Variants in GDI2 observed in about 807,000 individuals in gnomAD.
GDI2 encodes GDP dissociation inhibitor 2.
Under a neutral mutation model 54.2 loss-of-function variants are expected in GDI2, and 22 were observed. The ratio of observed to expected loss-of-function variants is 0.41; its 90% CI spans 0.29 to 0.58. The LOEUF (loss-of-function observed/expected upper bound fraction) is 0.58, where lower values mean the gene tolerates loss of function less well. Ranked by LOEUF, GDI2 falls within the 20% of genes least tolerant of loss-of-function variation. The pLI, the probability that GDI2 is intolerant of heterozygous loss-of-function variation, is 0.35. For missense variants in GDI2, 422 were observed against 546.0 expected, an observed-to-expected ratio of 0.77 and a Z score of 2.26; for synonymous variants, 177 against 182.1, an observed-to-expected ratio of 0.97 and a Z score of 0.23.
chr10:5,794,936 C>G lies in GDI2; in HGVS notation c.337G>C (p.Gly113Arg), dbSNP rs1045254840. Residue 113 changes from glycine to arginine, a missense_variant, in exon 4 of 11, where the codon GGT becomes CGT. Transcript: ENST00000380191. ...GAAGGAACCTTGTAGATTTTTCCAC[C>G]CTTATAGACAAAGCTCCCTTCAGTC... Reference protein sequence around the residue: ...KVTEGSFVYKGGKIYKVPSTE... With the variant: ...KVTEGSFVYKRGKIYKVPSTE... 1.9e-6 allele frequency: 3 copies of G among 1,603,316 alleles called. No homozygotes were observed. The highest frequency in any genetic ancestry group is 1.7e-6 in the Non-Finnish European group (2 of 1,170,334).
In GDI2 at chr10:5,783,226, T is replaced by A. The variant is rs12220252; in HGVS notation, c.719+1916A>T. 1.3e-3 allele frequency among the ~76,000 whole-genome samples: 195 copies of A among 152,210 alleles called. 2 individuals carry two copies. Among genetic ancestry groups the A allele is most frequent in the South Asian group, 8.9e-3 (43 of 4,820 alleles). On this transcript the variant is annotated intron_variant, in intron 6 of 10. Coordinates refer to ENST00000380191, the MANE Select transcript of GDI2 (RefSeq NM_001494.4). ...ATAAATTTATCAAACTGATTTTTTTTAAAATATATATAGTTATAAAATAAA... is the reference window on the plus strand; with the variant it reads ...ATAAATTTATCAAACTGATTTTTTTAAAAATATATATAGTTATAAAATAAA...
chr10:5,772,971 T>C (rs1840529116), intron 7 of GDI2, among the ~76,000 whole-genome samples: 1 of 152,096 alleles, frequency 6.6e-6, no homozygotes. Flanking sequence ...CTGGACATAA[T>C]ACCCGCCTCT....
chr10:5,766,863 G>A lies in GDI2; in HGVS notation c.992-225C>T, dbSNP rs1158479249. Among the ~76,000 whole-genome samples, 1 of 152,208 alleles carries A rather than the reference G, an allele frequency of 6.6e-6. No individual in the cohort carries two copies. The highest frequency in any genetic ancestry group is 2.4e-5 in the African/African-American group (1 of 41,464). Reference sequence around the variant, plus strand: ...CTAGAGATTAAGAATTGAAGTGGTAGCGAACTGCTGAAGTTTGGAATGAGA... The same window carrying A: ...CTAGAGATTAAGAATTGAAGTGGTAACGAACTGCTGAAGTTTGGAATGAGA... On this transcript the variant is annotated intron_variant, in intron 8 of 10. Coordinates refer to ENST00000380191, the MANE Select transcript of GDI2 (RefSeq NM_001494.4). The surrounding 1 kb of genome is among the most constrained non-coding windows in gnomAD (Gnocchi z 5.8).
intron 2 of GDI2, among the ~76,000 whole-genome samples, chr10:5,799,000 A>G (rs34108008): frequency 3.8e-4 from 57 of 151,692 alleles, no homozygotes; most frequent in African/African-American, 1.3e-3. Context: ...ATAAAATAAA[A>G]CAAAATTAAG....
chr10:5,772,641 C>T (rs910300278), intron 7 of GDI2, among the ~76,000 whole-genome samples: 30 of 152,098 alleles, frequency 2.0e-4, no homozygotes, highest in Non-Finnish European at 4.4e-4. Flanking sequence ...TCTGTAATTC[C>T]AGCTACTCGG....
At chr10:5,782,713 C>A (rs1322622536) in intron 6 of GDI2, among the ~76,000 whole-genome samples, 5 of 152,200 alleles carry the variant, frequency 3.3e-5, no homozygotes, top group African/African-American at 1.2e-4. Flanking sequence ...GTGGGTGGAT[C>A]ACTTGAGGTC....
intron 4 of GDI2, among the ~76,000 whole-genome samples, chr10:5,789,491 A>G (rs1840960975): frequency 6.6e-6 from 1 of 152,040 alleles, no homozygotes; most frequent in Non-Finnish European, 1.5e-5. Flanking sequence ...GTGTGAACAT[A>G]GCACAGTACA....
rs760383437 is a variant in GDI2 at position 5,768,436 on chromosome 10, C to T, written c.820-52G>A. ...TGAAGCGGACAAGGATATAGGGAAA[C>T]ACATCCCATGTTCATAGTTTGGAAG... On this transcript the variant is annotated intron_variant, in intron 7 of 10. Coordinates refer to ENST00000380191, the MANE Select transcript of GDI2 (RefSeq NM_001494.4). This position sits in a 1 kb window ranked among gnomAD's most constrained non-coding sequence, Gnocchi z 4.4. 1.7e-6 allele frequency: 2 copies of T among 1,145,442 alleles called. No individual in the cohort carries two copies. Among genetic ancestry groups the T allele is most frequent in the East Asian group, 2.4e-5 (1 of 41,914 alleles). The allele number at this position is 1,145,442 out of a possible 1,614,324, so 71.0% of individuals were successfully genotyped here.
intron 4 of GDI2, among the ~76,000 whole-genome samples, chr10:5,794,032 T>A (rs1841075898): frequency 6.6e-6 from 1 of 151,012 alleles, no homozygotes; most frequent in Admixed American, 6.6e-5. Flanking sequence ...GGCGTGTTGG[T>A]ACATGCCTAT....
intron 6 of GDI2, among the ~76,000 whole-genome samples, chr10:5,783,345 G>A (rs1840803948): frequency 6.6e-6 from 1 of 151,952 alleles, no homozygotes; most frequent in African/African-American, 2.4e-5. Context: ...GTCCTTTTGT[G>A]TCTGGTGAAT....
Position 5,766,481 on chromosome 10 carries a change from G to T in GDI2, c.1136+13C>A, listed in dbSNP as rs1335965542. 6.2e-7 allele frequency: 1 copy of T among 1,612,740 alleles called. No homozygotes were observed. ...AGTTTGCATCTCGGCAGATATAAAA[G>T]AACACAACTCACTTCTGTTCAATTG... On this transcript the variant is annotated intron_variant, in intron 9 of 10. Coordinates refer to ENST00000380191, the MANE Select transcript of GDI2 (RefSeq NM_001494.4). The surrounding 1 kb of genome is among the most constrained non-coding windows in gnomAD (Gnocchi z 5.8).
intron 4 of GDI2, among the ~76,000 whole-genome samples, chr10:5,794,226 TATATATAA>T (rs1212943821): frequency 1.0e-5 from 1 of 96,478 alleles, no homozygotes; most frequent in African/African-American, 4.2e-5. Flanking sequence ...TATATATATA[TATATATAA>T]AACTCACCAG....
Position 5,766,240 on chromosome 10 carries a change from C to A in GDI2, c.1191+1G>T. 6.2e-7 allele frequency: 1 copy of A among 1,612,958 alleles called. No homozygotes were observed. Among genetic ancestry groups the A allele is most frequent in the East Asian group, 2.2e-5 (1 of 44,870 alleles). ...ATATCCTTTCACACTTCCATACTCA[C>A]CTGGCTTTCTGTTCCCAAGTCTTTT... is the stretch of plus-strand genomic sequence containing the variant. On this transcript the variant is annotated splice_donor_variant, in intron 10 of 10. Transcript: ENST00000380191. LOFTEE classifies it high-confidence loss of function. This position sits in a 1 kb window ranked among gnomAD's most constrained non-coding sequence, Gnocchi z 5.8.
intron 4 of GDI2, among the ~76,000 whole-genome samples, chr10:5,787,953 G>C (rs940312285): frequency 1.3e-5 from 2 of 152,158 alleles, no homozygotes; most frequent in Non-Finnish European, 2.9e-5. Context: ...CTTACCCAGA[G>C]AGGGATAGAA....
At chr10:5,773,752 G>A in intron 7 of GDI2, 90 bp downstream of exon 7, 1 of 697,618 alleles carries the variant, frequency 1.4e-6, no homozygotes, top group Non-Finnish European at 2.5e-6. Context: ...GAAATCATAT[G>A]CATCAGTGTC....
At chr10:5,781,466 A>C (rs1020758272) in intron 6 of GDI2, among the ~76,000 whole-genome samples, 1 of 151,814 alleles carries the variant, frequency 6.6e-6, no homozygotes, top group Non-Finnish European at 1.5e-5. Flanking sequence ...TCTACTAAAA[A>C]TACAAAAAAT....
Position 5,776,242 on chromosome 10 carries a change from C to T in GDI2, c.720-2301G>A. ...AATTGCAAAGGAATAGGAAACAGCG[C>T]CTCCTCATCCAAGACAGGTGGAAAA... On this transcript the variant is annotated intron_variant, in intron 6 of 10. Transcript: ENST00000380191. The surrounding 1 kb of genome is among the most constrained non-coding windows in gnomAD (Gnocchi z 5.3). 1 of 464,210 alleles carries T rather than the reference C, an allele frequency of 2.2e-6. No homozygotes were observed. The highest frequency in any genetic ancestry group is 2.4e-5 in the South Asian group (1 of 41,416). The allele number at this position is 464,210 out of a possible 1,614,324, so 28.8% of individuals were successfully genotyped here.
intron 5 of GDI2, 69 bp downstream of exon 5, chr10:5,785,783 A>T: frequency 1.1e-6 from 1 of 938,330 alleles, no homozygotes. Context: ...TAGAATTTCC[A>T]CTTGGAAGAC....
Position 5,813,342 on chromosome 10 carries a change from T to C in GDI2, c.-84A>G, listed in dbSNP as rs529966668. 1,178 of 1,022,172 alleles carry C rather than the reference T, an allele frequency of 1.2e-3. 5 individuals are homozygous for C. In the Middle Eastern group the frequency reaches 0.022, roughly 19 times the overall value. The allele number at this position is 1,022,172 out of a possible 1,614,324, so 63.3% of individuals were successfully genotyped here. On this transcript the variant is annotated 5_prime_UTR_variant, in exon 1 of 11. Transcript: ENST00000380191. ...CACCCTACGAGGCTGGGAGGCGCTC[T>C]TGGGCGCGAAGGAAAGGGGAAGAGA... is the stretch of plus-strand genomic sequence containing the variant.
Sources: allele counts gnomAD v4.1 joint callset (sites outside exome capture counted in the v4.1 genomes callset), GRCh38; gene constraint gnomAD v4.1.1; non-coding constraint Gnocchi (gnomAD v3.1); transcripts MANE v1.5; gene names NCBI Gene and HGNC (gene_info 2026-07-23, HGNC 2026-07-21).